SORCS3: variants seen among roughly 807,000 people sequenced by gnomAD.
SORCS3 encodes VPS10 domain-containing receptor SorCS3.
A neutral mutation model predicts 146.3 loss-of-function variants in SORCS3; 57 were observed. The observed-to-expected ratio is 0.39, with a 90% CI of 0.31 to 0.49. The LOEUF (loss-of-function observed/expected upper bound fraction) is 0.49. SORCS3 is among the 20% of genes least tolerant of loss of function. The probability of loss-of-function intolerance (pLI) is 0.92; values close to 1 mark genes in which losing one functional copy is unlikely to be tolerated. For missense variants in SORCS3, 1,341 were observed against 1,575.5 expected (o/e 0.85, Z 2.52); for synonymous variants, 653 against 618.5 (o/e 1.06, Z -0.83).
intron 1 of SORCS3, among the ~76,000 whole-genome samples, chr10:104,720,204 C>A (rs563048874): frequency 6.6e-6 from 1 of 152,084 alleles, no homozygotes; most frequent in Non-Finnish European, 1.5e-5. Flanking sequence ...TCAGTTCCCA[C>A]CTATGAGTGA....
At chr10:104,727,863 C>T (rs1273795603) in intron 1 of SORCS3, among the ~76,000 whole-genome samples, 1 of 152,076 alleles carries the variant, frequency 6.6e-6, no homozygotes, top group Non-Finnish European at 1.5e-5. Flanking sequence ...AGGTTGCATC[C>T]TTCTTATGAG....
intron 6 of SORCS3, among the ~76,000 whole-genome samples, chr10:105,097,103 C>T (rs982711434): frequency 2.6e-5 from 4 of 152,142 alleles, no homozygotes; most frequent in Non-Finnish European, 5.9e-5. Flanking sequence ...TGTGGTGTGG[C>T]ATTGACAATT....
chr10:105,046,926 TG>T (rs1476781017), intron 5 of SORCS3, among the ~76,000 whole-genome samples: 1 of 152,126 alleles, frequency 6.6e-6, no homozygotes, highest in Non-Finnish European at 1.5e-5. Flanking sequence ...AATTGTAATT[TG>T]CATGGAGAGC....
In SORCS3 at chr10:104,799,527, C is replaced by A. The variant is rs1231188609; in HGVS notation, c.628-43265C>A. Among the ~76,000 whole-genome samples the A allele has an allele frequency of 2.6e-5, 4 of 151,892 alleles. No homozygotes were observed. The South Asian group carries it at 8.3e-4, about 32-fold the overall frequency. ...CATGGACACAGGGAGGGGAACATCA[C>A]ACACCAGGGCCTGTTGGGGGTTGGG... On this transcript the variant is annotated intron_variant, in intron 1 of 26. Coordinates refer to ENST00000369701, the MANE Select transcript of SORCS3 (RefSeq NM_014978.3).
chr10:105,208,918 T>G (rs1178167655), intron 16 of SORCS3, among the ~76,000 whole-genome samples: 4 of 152,112 alleles, frequency 2.6e-5, no homozygotes, highest in Non-Finnish European at 4.4e-5. Context: ...CAGCAGTGTC[T>G]GTTTCTCCTT....
intron 7 of SORCS3, among the ~76,000 whole-genome samples, chr10:105,120,107 G>T (rs1289468912): frequency 6.6e-6 from 1 of 152,062 alleles, no homozygotes; most frequent in African/African-American, 2.4e-5. Context: ...TGAATCATGG[G>T]GGCGGTTGCC....
intron 3 of SORCS3, among the ~76,000 whole-genome samples, chr10:104,964,753 C>A (rs1054354353): frequency 2.0e-5 from 3 of 152,092 alleles, no homozygotes; most frequent in Admixed American, 6.6e-5. Flanking sequence ...TTGCCGTCTT[C>A]CCATTTTTAA....
chr10:104,887,959 C>CG lies in SORCS3; in HGVS notation c.696-27867dup, dbSNP rs1212866137. On this transcript the variant is annotated intron_variant, in intron 2 of 26. Transcript: ENST00000369701. ...TACCTTCCCAGCAACATGGTGGGGG[C>CG]GGGGGGGCGGGGGCGGAGCAAGCCC... 8.5e-3 allele frequency among the ~76,000 whole-genome samples: 56 copies of CG among 6,588 alleles called. 2 individuals are homozygous for CG. The highest frequency in any genetic ancestry group is 0.015 in the African/African-American group (22 of 1,458). 4.3% of individuals were successfully genotyped at this position (6,588 alleles called of 152,430 possible).
At chr10:105,255,612 T>TA in intron 23 of SORCS3, 90 bp from the exon 24 acceptor site, 3 of 825,216 alleles carry the variant, frequency 3.6e-6, no homozygotes, top group Non-Finnish European at 4.0e-6. Context: ...GGTGACTTTT[T>TA]ACCTATTGAC....
chr10:105,017,857 G>C (rs1469933370), intron 4 of SORCS3, among the ~76,000 whole-genome samples: 1 of 152,184 alleles, frequency 6.6e-6, no homozygotes, highest in Non-Finnish European at 1.5e-5. Context: ...AGTGGAATAA[G>C]AATTGTATCA....
intron 6 of SORCS3, among the ~76,000 whole-genome samples, chr10:105,102,892 C>T (rs2055796040): frequency 6.9e-6 from 1 of 144,830 alleles, no homozygotes; most frequent in African/African-American, 2.6e-5. Context: ...CTGGTTCAAG[C>T]AATTCTCCTG....
At chr10:104,807,324 T>C (rs1446041824) in intron 1 of SORCS3, among the ~76,000 whole-genome samples, 1 of 152,278 alleles carries the variant, frequency 6.6e-6, no homozygotes, top group East Asian at 1.9e-4. Context: ...TGGGGATTCC[T>C]TGGCCCATGG....
At chr10:104,684,996 T>G (rs1251890045) in intron 1 of SORCS3, among the ~76,000 whole-genome samples, 1 of 151,688 alleles carries the variant, frequency 6.6e-6, no homozygotes, top group African/African-American at 2.4e-5. Context: ...TTTTGTATTT[T>G]TAGTAGAGAC....
intron 1 of SORCS3, among the ~76,000 whole-genome samples, chr10:104,670,681 A>G (rs1314768436): frequency 6.6e-6 from 1 of 152,144 alleles, no homozygotes; most frequent in Non-Finnish European, 1.5e-5. Context: ...GAGATTCCAT[A>G]TGAATTTTAG....
At chr10:104,810,315 C>T (rs945447488) in intron 1 of SORCS3, among the ~76,000 whole-genome samples, 4 of 152,010 alleles carry the variant, frequency 2.6e-5, no homozygotes, top group Non-Finnish European at 5.9e-5. Flanking sequence ...CATACGTGTA[C>T]ATTTATTTTG....
At chr10:105,070,708 C>T (rs2055550914) in intron 5 of SORCS3, among the ~76,000 whole-genome samples, 3 of 152,152 alleles carry the variant, frequency 2.0e-5, no homozygotes, top group South Asian at 4.1e-4. Flanking sequence ...GTTTGTTAAA[C>T]AAGAACCATT....
chr10:105,020,728 A>G (rs764689534), intron 4 of SORCS3, among the ~76,000 whole-genome samples: 1 of 152,160 alleles, frequency 6.6e-6, no homozygotes, highest in Non-Finnish European at 1.5e-5. Context: ...CCAATTAATC[A>G]ATAAACAAAT....
chr10:105,072,659 CTTTTTTTTTTTTT>C (rs545305956), intron 5 of SORCS3, among the ~76,000 whole-genome samples: 4 of 16,582 alleles, frequency 2.4e-4, no homozygotes, highest in Admixed American at 1.9e-3. Flanking sequence ...CTCTCTCTCT[CTTTTTTTTTTTTT>C]TTTTTTTTTT....
chr10:105,075,872 T>G (rs2133729870), intron 5 of SORCS3, among the ~76,000 whole-genome samples: 1 of 152,268 alleles, frequency 6.6e-6, no homozygotes, highest in Non-Finnish European at 1.5e-5. Flanking sequence ...GATCAGTAAC[T>G]TAGTCAAAAC....
Sources: gnomAD v4.1 joint callset for allele counts (sites outside exome capture counted in the v4.1 genomes callset) on GRCh38, gnomAD v4.1.1 for gene constraint, MANE v1.5 for transcripts, NCBI Gene and HGNC (gene_info 2026-07-23, HGNC 2026-07-21) for gene names.